HS3ST5: variants seen among roughly 807,000 people sequenced by gnomAD.
The protein encoded by HS3ST5 is heparan sulfate glucosamine 3-O-sulfotransferase 5.
A neutral mutation model predicts 25.4 loss-of-function variants in HS3ST5; 10 were observed. The ratio of observed to expected loss-of-function variants is 0.39; its 90% CI spans 0.24 to 0.67. The LOEUF is 0.67. HS3ST5 is among the 30% of genes least tolerant of loss of function. The pLI is 0.44. For missense variants in HS3ST5, 324 were observed against 420.7 expected (o/e 0.77, Z 2.01); for synonymous variants, 170 against 162.4 (o/e 1.05, Z -0.36).
At chr6:114,241,177 T>C (rs1174830039) in intron 1 of HS3ST5, among the ~76,000 whole-genome samples, 1 of 150,748 alleles carries the variant, frequency 6.6e-6, no homozygotes, top group East Asian at 1.9e-4. Context: ...AGAAATACCT[T>C]ATCTCCCTAT....
intron 3 of HS3ST5, among the ~76,000 whole-genome samples, chr6:114,113,503 A>T (rs1040058286): frequency 1.3e-5 from 2 of 151,744 alleles, no homozygotes; most frequent in African/African-American, 2.4e-5. Flanking sequence ...TCTGCTTGGA[A>T]TGATCTTCCT....
At chr6:114,120,326 G>A (rs1776727765) in intron 3 of HS3ST5, among the ~76,000 whole-genome samples, 1 of 152,108 alleles carries the variant, frequency 6.6e-6, no homozygotes, top group African/African-American at 2.4e-5. Flanking sequence ...AGGAGAAACT[G>A]AGGTACAGAG....
chr6:114,292,078 G>A (rs1774602784), intron 1 of HS3ST5, among the ~76,000 whole-genome samples: 1 of 145,532 alleles, frequency 6.9e-6, no homozygotes, highest in African/African-American at 2.5e-5. Context: ...ACATTTAAAG[G>A]GAATAAAGAC....
intron 1 of HS3ST5, among the ~76,000 whole-genome samples, chr6:114,279,014 G>C (rs765626871): frequency 2.6e-5 from 4 of 151,912 alleles, no homozygotes; most frequent in Non-Finnish European, 4.4e-5. Context: ...AGATAAATAG[G>C]CAGTAAACTA....
intron 1 of HS3ST5, among the ~76,000 whole-genome samples, chr6:114,306,974 C>T (rs1775322880): frequency 6.6e-6 from 1 of 152,138 alleles, no homozygotes; most frequent in Non-Finnish European, 1.5e-5. Context: ...GTAGCAGCAG[C>T]GGGTGAAGGA....
chr6:114,188,801 A>T (rs1282439427), intron 2 of HS3ST5, among the ~76,000 whole-genome samples: 1 of 152,152 alleles, frequency 6.6e-6, no homozygotes, highest in African/African-American at 2.4e-5. Context: ...AGTGATTATT[A>T]TAACTATTAT....
At chr6:114,248,218 ATATAT>A (rs1562251817) in intron 1 of HS3ST5, among the ~76,000 whole-genome samples, 5 of 99,886 alleles carry the variant, frequency 5.0e-5, no homozygotes, top group East Asian at 3.5e-4. Context: ...GAAAAAAAAA[ATATAT>A]ATATATATAT....
At chr6:114,090,493 C>A (rs927304825) in intron 3 of HS3ST5, among the ~76,000 whole-genome samples, 4 of 151,950 alleles carry the variant, frequency 2.6e-5, no homozygotes, top group Middle Eastern at 6.4e-3. Flanking sequence ...TATCTTTAAT[C>A]CACTGATGAA....
chr6:114,165,354 A>C (rs1312150817), intron 3 of HS3ST5, among the ~76,000 whole-genome samples: 1 of 152,070 alleles, frequency 6.6e-6, no homozygotes, highest in African/African-American at 2.4e-5. Context: ...TCTTGTCTAG[A>C]TTTGCTCCCA....
rs548905925 is a variant in HS3ST5 at position 114,243,855 on chromosome 6, C to T, written c.-338-15077G>A. Among the ~76,000 whole-genome samples the T allele has an allele frequency of 9.9e-5, 15 of 151,518 alleles. No homozygotes were observed. In the South Asian group the frequency reaches 2.9e-3, roughly 30 times the overall value. ...GGGTACTGGCTTTGCCCACTTGGGT[C>T]ATCCCCCTATGCTGTCCCCAATACA... is the stretch of plus-strand genomic sequence containing the variant. On this transcript the variant is annotated intron_variant, in intron 1 of 4. Transcript: ENST00000312719.
At chr6:114,279,120 C>T (rs970120286) in intron 1 of HS3ST5, among the ~76,000 whole-genome samples, 1 of 151,980 alleles carries the variant, frequency 6.6e-6, no homozygotes, top group Non-Finnish European at 1.5e-5. Context: ...TATGTTAAAA[C>T]TTCAGGAATA....
chr6:114,291,168 C>A (rs1582792059), intron 1 of HS3ST5, among the ~76,000 whole-genome samples: 1 of 152,038 alleles, frequency 6.6e-6, no homozygotes, highest in East Asian at 1.9e-4. Flanking sequence ...GCTTGCCCAG[C>A]CACTTAGTAC....
intron 3 of HS3ST5, among the ~76,000 whole-genome samples, chr6:114,091,966 C>T (rs1298247043): frequency 6.6e-6 from 1 of 152,172 alleles, no homozygotes; most frequent in Non-Finnish European, 1.5e-5. Context: ...GCCTCTTTTA[C>T]AGTGACATGG....
chr6:114,163,040 T>G (rs1779048195), intron 3 of HS3ST5, among the ~76,000 whole-genome samples: 1 of 152,210 alleles, frequency 6.6e-6, no homozygotes, highest in South Asian at 2.1e-4. Flanking sequence ...CAATGGACAC[T>G]TGTTTAATGA....
chr6:114,139,108 C>T (rs1364988230), intron 3 of HS3ST5, among the ~76,000 whole-genome samples: 2 of 152,146 alleles, frequency 1.3e-5, no homozygotes, highest in African/African-American at 4.8e-5. Context: ...CCATTCAGTC[C>T]CACAGGAATA....
chr6:114,124,679 T>G (rs1189984354), intron 3 of HS3ST5, among the ~76,000 whole-genome samples: 1 of 151,928 alleles, frequency 6.6e-6, no homozygotes, highest in African/African-American at 2.4e-5. Context: ...AAATAAACCT[T>G]GATAACCAGA....
chr6:114,198,932 C>T (rs1372275477), intron 2 of HS3ST5, among the ~76,000 whole-genome samples: 2 of 151,930 alleles, frequency 1.3e-5, no homozygotes, highest in Non-Finnish European at 2.9e-5. Context: ...TCAGTGCCCT[C>T]GAGCAGTGAA....
intron 1 of HS3ST5, among the ~76,000 whole-genome samples, chr6:114,231,872 A>C (rs1180369382): frequency 6.6e-6 from 1 of 152,112 alleles, no homozygotes; most frequent in Non-Finnish European, 1.5e-5. Flanking sequence ...ACCTGCATGA[A>C]ATTAGGTGAA....
rs144143119 is a variant in HS3ST5, at chr6:114,062,761, C to T, written c.85G>A (p.Ala29Thr). 260 of 1,613,508 alleles carry T rather than the reference C, an allele frequency of 1.6e-4. No individual in the cohort carries two copies. Among genetic ancestry groups the T allele is most frequent in the African/African-American group, 3.7e-4 (28 of 74,894 alleles). Residue 29 changes from alanine (A) to threonine (T), a missense_variant, in exon 4 of 5, where the codon GCC becomes ACC. Transcript: ENST00000312719. Reference protein sequence around the residue: ...LAVGSLLYLVARVGSLDRLQP... With the variant: ...LAVGSLLYLVTRVGSLDRLQP... ...CACCTATCCAAGCTCCCAACTCTGG[C>T]GACTAGATACAGGAGACTCCCAACG...
Sources: gnomAD v4.1 joint callset for allele counts (sites outside exome capture counted in the v4.1 genomes callset) on GRCh38, gnomAD v4.1.1 for gene constraint, MANE v1.5 for transcripts, NCBI Gene and HGNC (gene_info 2026-07-23, HGNC 2026-07-21) for gene names.